Variants in RGPD2 observed in about 807,000 individuals in gnomAD.
The protein encoded by RGPD2 is RANBP2-like and GRIP domain-containing protein 2.
In RGPD2, 2 loss-of-function variants were observed where a neutral mutation model predicts 36.0. That is an observed-to-expected ratio of 0.06 (90% CI 0.02 to 0.17). The LOEUF is 0.17. Among genes scored for constraint, RGPD2 ranks in the 10% least tolerant of loss-of-function variants. RGPD2 has a pLI of 1.00. For synonymous variants in RGPD2, 19 were observed against 163.8 expected (o/e 0.12, Z 6.75); for missense variants, 40 against 464.3 (o/e 0.09, Z 8.40).
the RGPD2 span, among the ~76,000 whole-genome samples, chr2:87,875,847 C>T: frequency 6.6e-6 from 1 of 152,168 alleles, no homozygotes; most frequent in South Asian, 2.1e-4. Context: ...TGGTGCTGGG[C>T]TGTTTTTGCC....
chr2:87,879,643 G>T, the RGPD2 span, among the ~76,000 whole-genome samples: 1 of 78,316 alleles, frequency 1.3e-5, no homozygotes, highest in Non-Finnish European at 2.4e-5. Flanking sequence ...CAAATGACAG[G>T]ATCTCATTCT....
intron 20 of RGPD2, among the ~76,000 whole-genome samples, chr2:87,781,666 T>C (rs898214505): frequency 6.6e-6 from 1 of 150,662 alleles, no homozygotes. Context: ...TTCACCACAT[T>C]GGCCAGGCTG....
chr2:87,830,933 G>A, the RGPD2 span, among the ~76,000 whole-genome samples: 26 of 152,184 alleles, frequency 1.7e-4, no homozygotes, highest in East Asian at 1.2e-3. Flanking sequence ...GTGGGACACC[G>A]TCAAACCATA....
intron 1 of RGPD2, 26 bp downstream of exon 1, chr2:87,825,632 C>CGCCGCCCCGCCAG (rs1409107071): frequency 6.5e-7 from 1 of 1,528,982 alleles, no homozygotes; most frequent in African/African-American, 1.4e-5. Context: ...AGGTCGAGGC[C>CGCCGCCCCGCCAG]GTCGGTCTCT....
At chr2:87,989,689 T>C in the RGPD2 span, 1 of 899,162 alleles carries the variant, frequency 1.1e-6, no homozygotes, top group Non-Finnish European at 1.6e-6. Context: ...CAAATGTTTG[T>C]ACTTACTAGG....
chr2:87,758,288 GTTT>G (rs1196999641), intron 22 of RGPD2, among the ~76,000 whole-genome samples: 2 of 112,208 alleles, frequency 1.8e-5, no homozygotes, highest in East Asian at 2.8e-4. Context: ...TCCTCAAATG[GTTT>G]TTTTTATTAG....
At chr2:87,967,368 A>G in the RGPD2 span, among the ~76,000 whole-genome samples, 1 of 150,044 alleles carries the variant, frequency 6.7e-6, no homozygotes, top group Admixed American at 6.6e-5. Flanking sequence ...AGATTGCGCC[A>G]CTGCACCTCC....
At chr2:87,921,738 C>T in the RGPD2 span, among the ~76,000 whole-genome samples, 1 of 151,966 alleles carries the variant, frequency 6.6e-6, no homozygotes, top group Non-Finnish European at 1.5e-5. Flanking sequence ...ACCAGGTTGT[C>T]AATAGTGTAC....
At chr2:87,986,776 A>T in the RGPD2 span, among the ~76,000 whole-genome samples, 1 of 151,112 alleles carries the variant, frequency 6.6e-6, no homozygotes, top group African/African-American at 2.4e-5. Flanking sequence ...GCTACTCAGG[A>T]GGCTGAGGCA....
the RGPD2 span, chr2:87,985,841 G>A: frequency 1.2e-6 from 2 of 1,610,932 alleles, no homozygotes; most frequent in East Asian, 2.2e-5. Context: ...TGTGGACATT[G>A]TACCACTTGA....
the RGPD2 span, among the ~76,000 whole-genome samples, chr2:87,884,987 A>G: frequency 6.6e-6 from 1 of 152,166 alleles, no homozygotes; most frequent in African/African-American, 2.4e-5. Flanking sequence ...CACTACAAGA[A>G]AAGAAAAACT....
At chr2:87,843,415 A>G in the RGPD2 span, among the ~76,000 whole-genome samples, 1 of 128,384 alleles carries the variant, frequency 7.8e-6, no homozygotes, top group Non-Finnish European at 1.6e-5. Flanking sequence ...ATGAACAGAC[A>G]CTTCTCAAAA....
the RGPD2 span, among the ~76,000 whole-genome samples, chr2:87,920,346 C>T: frequency 6.6e-6 from 1 of 151,710 alleles, no homozygotes; most frequent in Non-Finnish European, 1.5e-5. Context: ...TCATTTAGAA[C>T]TACTCCACTG....
the RGPD2 span, among the ~76,000 whole-genome samples, chr2:87,869,847 C>A: frequency 1.3e-5 from 2 of 152,198 alleles, no homozygotes; most frequent in South Asian, 2.1e-4. Context: ...TTAACAGGAA[C>A]ATTTGATGAA....
chr2:87,866,868 G>A, the RGPD2 span, among the ~76,000 whole-genome samples: 1 of 152,254 alleles, frequency 6.6e-6, no homozygotes, highest in Non-Finnish European at 1.5e-5. Flanking sequence ...TGCCCATAGA[G>A]TCTTTCCTCC....
At chr2:87,909,408 A>G in the RGPD2 span, among the ~76,000 whole-genome samples, 1 of 83,928 alleles carries the variant, frequency 1.2e-5, no homozygotes, top group African/African-American at 4.8e-5. Flanking sequence ...ATTAAAGCCC[A>G]ATGCAGCTGT....
At chr2:87,929,184 G>A in the RGPD2 span, among the ~76,000 whole-genome samples, 1 of 151,428 alleles carries the variant, frequency 6.6e-6, no homozygotes. Context: ...TTATAGTTTT[G>A]GGTTTTACAT....
At chr2:87,881,443 C>T in the RGPD2 span, among the ~76,000 whole-genome samples, 2,859 of 152,132 alleles carry the variant, frequency 0.019, 50 homozygotes, top group African/African-American at 0.064. Context: ...CTTTCTCAAA[C>T]ATCCTCTGAA....
the RGPD2 span, among the ~76,000 whole-genome samples, chr2:87,836,316 A>G: frequency 6.7e-6 from 1 of 148,460 alleles, no homozygotes; most frequent in Non-Finnish European, 1.5e-5. Flanking sequence ...AAAGAGAGAG[A>G]GGGAGGACGG....
Sources: gnomAD v4.1 joint callset for allele counts (sites outside exome capture counted in the v4.1 genomes callset) on GRCh38, gnomAD v4.1.1 for gene constraint, MANE v1.5 for transcripts, NCBI Gene and HGNC (gene_info 2026-07-23, HGNC 2026-07-21) for gene names.